The following ANKS1B variants were observed in gnomAD, a reference collection of about 807,000 sequenced individuals.
The protein encoded by ANKS1B is ankyrin repeat and sterile alpha motif domain-containing protein 1B.
Under a neutral mutation model 148.3 loss-of-function variants are expected in ANKS1B, and 36 were observed. The observed-to-expected ratio is 0.24, with a 90% CI of 0.19 to 0.32. The LOEUF (loss-of-function observed/expected upper bound fraction) is 0.32. Among genes scored for constraint, ANKS1B ranks in the 10% least tolerant of loss-of-function variants. The pLI is 1.00. For synonymous variants in ANKS1B, 542 were observed against 560.8 expected (o/e 0.97, Z 0.47); for missense variants, 1,157 against 1,542.6 (o/e 0.75, Z 4.19).
At chr12:99,790,901 A>C (rs2065565335) in intron 4 of ANKS1B, among the ~76,000 whole-genome samples, 1 of 152,008 alleles carries the variant, frequency 6.6e-6, no homozygotes, top group Admixed American at 6.6e-5. Context: ...AAAATAACAA[A>C]ATGACAGGAG....
intron 1 of ANKS1B, among the ~76,000 whole-genome samples, chr12:99,850,603 C>T (rs937005871): frequency 1.3e-5 from 2 of 151,852 alleles, no homozygotes; most frequent in African/African-American, 4.8e-5. Context: ...ATTTTTATCC[C>T]TACAAACTAG....
intron 8 of ANKS1B, among the ~76,000 whole-genome samples, chr12:99,719,909 T>C (rs982057628): frequency 2.6e-5 from 4 of 152,066 alleles, no homozygotes; most frequent in Non-Finnish European, 5.9e-5. Flanking sequence ...CTTTCAGTTT[T>C]TCTCCTTCTC....
At chr12:99,066,593 T>C (rs1422202143) in intron 16 of ANKS1B, among the ~76,000 whole-genome samples, 1 of 151,996 alleles carries the variant, frequency 6.6e-6, no homozygotes, top group Non-Finnish European at 1.5e-5. Flanking sequence ...TTGAGCAGAG[T>C]TGTGACATGA....
intron 20 of ANKS1B, among the ~76,000 whole-genome samples, chr12:98,804,579 G>T (rs1387631276): frequency 6.6e-6 from 1 of 152,142 alleles, no homozygotes; most frequent in African/African-American, 2.4e-5. Flanking sequence ...TTGGCCCTTG[G>T]CTGGGATTCA....
At chr12:99,206,355 T>C (rs1338068157) in intron 14 of ANKS1B, among the ~76,000 whole-genome samples, 1 of 152,180 alleles carries the variant, frequency 6.6e-6, no homozygotes, top group African/African-American at 2.4e-5. Context: ...TACTTTAGAA[T>C]GACAATGGCC....
intron 8 of ANKS1B, among the ~76,000 whole-genome samples, chr12:99,658,511 T>C (rs1008220375): frequency 3.9e-5 from 6 of 152,034 alleles, no homozygotes; most frequent in Non-Finnish European, 7.4e-5. Flanking sequence ...TTGTCTCTCT[T>C]TGTGCAAATG....
chr12:99,166,842 A>G (rs2077231520), intron 14 of ANKS1B, among the ~76,000 whole-genome samples: 1 of 152,062 alleles, frequency 6.6e-6, no homozygotes, highest in Admixed American at 6.6e-5. Context: ...TGACAAAGGT[A>G]TACTACCTGA....
intron 8 of ANKS1B, among the ~76,000 whole-genome samples, chr12:99,703,616 T>C (rs983093863): frequency 2.8e-4 from 43 of 152,116 alleles, no homozygotes; most frequent in African/African-American, 1.0e-3. Flanking sequence ...ACTGCTTTTG[T>C]GAAGTCATTG....
chr12:99,472,098 C>T (rs1227647975), intron 10 of ANKS1B, among the ~76,000 whole-genome samples: 3 of 152,110 alleles, frequency 2.0e-5, no homozygotes, highest in Non-Finnish European at 4.4e-5. Flanking sequence ...CTAACCACCA[C>T]AGTAAATTAT....
chr12:99,686,748 T>C (rs890706122), intron 8 of ANKS1B, among the ~76,000 whole-genome samples: 4 of 152,164 alleles, frequency 2.6e-5, no homozygotes, highest in African/African-American at 7.2e-5. Context: ...TAGAACAGTA[T>C]ACTTTCATTT....
At chr12:99,103,594 AG>A (rs1406995320) in intron 15 of ANKS1B, among the ~76,000 whole-genome samples, 1 of 152,222 alleles carries the variant, frequency 6.6e-6, no homozygotes, top group African/African-American at 2.4e-5. Flanking sequence ...AAAACAAGGA[AG>A]GGATTCAATC....
rs73387986 is a variant in ANKS1B at position 99,689,709 on chromosome 12, T to C, written c.1129-34499A>G. Among the ~76,000 whole-genome samples the C allele has an allele frequency of 9.7e-3, 1,473 of 152,316 alleles. 29 individuals are homozygous for C. The highest frequency in any genetic ancestry group is 0.033 in the African/African-American group (1,380 of 41,570). On this transcript the variant is annotated intron_variant, in intron 8 of 26. Transcript: ENST00000683438. ...GCAGTCATGCACTGAGACAGCCATG[T>C]GGCTAGAATCTGAGACCAGCCTCAA...
chr12:99,480,472 G>T (rs1511959), intron 10 of ANKS1B, among the ~76,000 whole-genome samples: 80,659 of 151,214 alleles, frequency 0.53, 23,069 homozygotes, highest in African/African-American at 0.76. Flanking sequence ...AGATACTAAT[G>T]TTTTCACATT....
At chr12:99,510,478 A>G (rs2096753899) in intron 9 of ANKS1B, among the ~76,000 whole-genome samples, 3 of 151,980 alleles carry the variant, frequency 2.0e-5, no homozygotes, top group Admixed American at 2.0e-4. Context: ...TGGTGGAGGA[A>G]GTAACTGCAG....
At chr12:99,000,733 CCT>C (rs1292153666) in intron 17 of ANKS1B, among the ~76,000 whole-genome samples, 1 of 152,130 alleles carries the variant, frequency 6.6e-6, no homozygotes, top group Non-Finnish European at 1.5e-5. Context: ...AAACTTCACC[CCT>C]GTTGATTAGC....
At chr12:99,095,887 A>G (rs1309537317) in intron 15 of ANKS1B, among the ~76,000 whole-genome samples, 1 of 152,172 alleles carries the variant, frequency 6.6e-6, no homozygotes, top group African/African-American at 2.4e-5. Context: ...AGATGACTTG[A>G]AGGAATTTCT....
chr12:99,752,348 C>T (rs1009081000), intron 8 of ANKS1B, among the ~76,000 whole-genome samples: 1 of 151,904 alleles, frequency 6.6e-6, no homozygotes, highest in Non-Finnish European at 1.5e-5. Flanking sequence ...ACTTTACCAC[C>T]CTGTATTTCA....
At chr12:98,941,258 G>A (rs1406551395) in intron 17 of ANKS1B, among the ~76,000 whole-genome samples, 3 of 152,110 alleles carry the variant, frequency 2.0e-5, no homozygotes, top group South Asian at 4.1e-4. Flanking sequence ...AATAACACAC[G>A]TATTTTCTCA....
chr12:99,130,065 T>C (rs2153747856), intron 15 of ANKS1B, among the ~76,000 whole-genome samples: 1 of 152,354 alleles, frequency 6.6e-6, no homozygotes, highest in African/African-American at 2.4e-5. Flanking sequence ...TACAGTTATA[T>C]CAATTTTAGC....
Sources: gnomAD v4.1 joint callset for allele counts (sites outside exome capture counted in the v4.1 genomes callset) on GRCh38, gnomAD v4.1.1 for gene constraint, MANE v1.5 for transcripts, NCBI Gene and HGNC (gene_info 2026-07-23, HGNC 2026-07-21) for gene names.